Variants in PDE1A observed in about 807,000 individuals in gnomAD.
PDE1A encodes dual specificity calcium/calmodulin-dependent 3',5'-cyclic nucleotide phosphodiesterase 1A.
PDE1A carries 35 observed loss-of-function variants against 61.7 expected under a neutral mutation model. That is an observed-to-expected ratio of 0.57 (90% CI 0.43 to 0.75). The LOEUF is 0.75. Among genes scored for constraint, PDE1A ranks in the 30% least tolerant of loss-of-function variants. The probability of loss-of-function intolerance (pLI) is 0.00; values close to 1 mark genes in which losing one functional copy is unlikely to be tolerated. For missense variants in PDE1A, 597 were observed against 630.6 expected (o/e 0.95, Z 0.57); for synonymous variants, 232 against 213.2 (o/e 1.09, Z -0.77).
At chr2:182,685,108 T>C in the PDE1A span, among the ~76,000 whole-genome samples, 1 of 150,368 alleles carries the variant, frequency 6.7e-6, no homozygotes, top group African/African-American at 2.4e-5. Flanking sequence ...CATATACATA[T>C]ATATATACAC....
At chr2:182,359,967 C>T (rs1699406795) in intron 1 of PDE1A, among the ~76,000 whole-genome samples, 1 of 152,032 alleles carries the variant, frequency 6.6e-6, no homozygotes, top group Non-Finnish European at 1.5e-5. Context: ...TTCTATAGAG[C>T]CCTCAAAATG....
chr2:182,688,762 G>C, the PDE1A span, among the ~76,000 whole-genome samples: 1 of 152,178 alleles, frequency 6.6e-6, no homozygotes, highest in Non-Finnish European at 1.5e-5. Context: ...AGACCCATCA[G>C]TCTGCTGTAT....
intron 1 of PDE1A, among the ~76,000 whole-genome samples, chr2:182,355,669 T>C (rs1699136459): frequency 1.3e-5 from 2 of 151,996 alleles, no homozygotes; most frequent in East Asian, 1.9e-4. Context: ...TTCTAAAGCA[T>C]TTTTTTCCTA....
chr2:182,321,770 C>A (rs1479916679), intron 1 of PDE1A, among the ~76,000 whole-genome samples: 1 of 152,116 alleles, frequency 6.6e-6, no homozygotes. Context: ...GAAAGTTGTA[C>A]AAACCTTCCC....
intron 7 of PDE1A, among the ~76,000 whole-genome samples, chr2:182,223,506 C>G (rs971102888): frequency 6.6e-6 from 1 of 151,978 alleles, no homozygotes; most frequent in African/African-American, 2.4e-5. Flanking sequence ...GTATTACTTT[C>G]AAATACATAA....
chr2:182,205,520 G>T (rs1283233944), intron 8 of PDE1A, among the ~76,000 whole-genome samples: 5 of 151,134 alleles, frequency 3.3e-5, no homozygotes, highest in Non-Finnish European at 7.4e-5. Flanking sequence ...TTTTTCCCAC[G>T]TTTAACTTTT....
intron 1 of PDE1A, among the ~76,000 whole-genome samples, chr2:182,273,979 C>T (rs1693224664): frequency 6.6e-6 from 1 of 152,078 alleles, no homozygotes; most frequent in African/African-American, 2.4e-5. Context: ...GCTGGGAAAT[C>T]CCTGACCGAG....
At chr2:182,331,131 T>C (rs1208822875) in intron 1 of PDE1A, among the ~76,000 whole-genome samples, 1 of 152,184 alleles carries the variant, frequency 6.6e-6, no homozygotes, top group African/African-American at 2.4e-5. Flanking sequence ...GATGGAGGCA[T>C]AGAGAGGCTT....
At chr2:182,158,690 ACCC>A (rs1691224249) in intron 13 of PDE1A, among the ~76,000 whole-genome samples, 1 of 152,176 alleles carries the variant, frequency 6.6e-6, no homozygotes, top group Non-Finnish European at 1.5e-5. Context: ...ACCACTCACT[ACCC>A]AGTTGTCTTG....
intron 2 of PDE1A, among the ~76,000 whole-genome samples, chr2:182,446,876 T>A (rs560748388): frequency 6.6e-6 from 1 of 152,046 alleles, no homozygotes; most frequent in East Asian, 2.0e-4. Context: ...AATTTCCTCA[T>A]CTTCAATGAA....
At chr2:182,648,795 TATGAAGACATGGGTGCAA>T in the PDE1A span, among the ~76,000 whole-genome samples, 2 of 151,910 alleles carry the variant, frequency 1.3e-5, no homozygotes, top group African/African-American at 4.8e-5. Context: ...ATACCTGTAA[TATGAAGACATGGGTGCAA>T]ATGCCAACAC....
chr2:182,339,882 T>A (rs1698071613), intron 1 of PDE1A, among the ~76,000 whole-genome samples: 1 of 152,172 alleles, frequency 6.6e-6, no homozygotes, highest in African/African-American at 2.4e-5. Context: ...AGAGTTTTCA[T>A]TTTCTAAAGT....
chr2:182,316,748 C>G (rs1480105656), intron 1 of PDE1A, among the ~76,000 whole-genome samples: 1 of 152,064 alleles, frequency 6.6e-6, no homozygotes. Context: ...AGACTGCAGA[C>G]TCTGAATATA....
chr2:182,283,743 A>T (rs1693976078), intron 1 of PDE1A, among the ~76,000 whole-genome samples: 2 of 152,238 alleles, frequency 1.3e-5, no homozygotes, highest in Middle Eastern at 3.4e-3. Flanking sequence ...AAGAACCATC[A>T]CTACAACTTG....
intron 1 of PDE1A, among the ~76,000 whole-genome samples, chr2:182,380,176 T>C (rs983825699): frequency 7.1e-6 from 1 of 141,412 alleles, no homozygotes; most frequent in East Asian, 2.3e-4. Flanking sequence ...AGTGGCACGC[T>C]CTCAGCTCAC....
intron 2 of PDE1A, among the ~76,000 whole-genome samples, chr2:182,454,454 T>A (rs1253976897): frequency 6.6e-6 from 1 of 152,106 alleles, no homozygotes; most frequent in Non-Finnish European, 1.5e-5. Flanking sequence ...AGAGCCCGCA[T>A]CGCCAAGTCA....
chr2:182,371,314 A>G (rs1301335182), intron 1 of PDE1A, among the ~76,000 whole-genome samples: 2 of 152,216 alleles, frequency 1.3e-5, no homozygotes, highest in Admixed American at 1.3e-4. Context: ...TTTTATTAAC[A>G]GAAGAAAACC....
intron 1 of PDE1A, among the ~76,000 whole-genome samples, chr2:182,350,479 A>T (rs35608334): frequency 0.077 from 11,711 of 152,300 alleles, 528 homozygotes; most frequent in Non-Finnish European, 0.1. Context: ...GCTACATACA[A>T]GGTCAGTTAT....
the PDE1A span, among the ~76,000 whole-genome samples, chr2:182,543,890 T>A: frequency 4.6e-5 from 7 of 152,178 alleles, no homozygotes; most frequent in Non-Finnish European, 8.8e-5. Flanking sequence ...AAGCACCATA[T>A]GGGCTTCTAA....
Sources: gnomAD v4.1 joint callset for allele counts (sites outside exome capture counted in the v4.1 genomes callset) on GRCh38, gnomAD v4.1.1 for gene constraint, MANE v1.5 for transcripts, NCBI Gene and HGNC (gene_info 2026-07-23, HGNC 2026-07-21) for gene names.